Variants in UST observed in about 807,000 individuals in gnomAD.
The protein encoded by UST is uronyl 2-sulfotransferase, also known as chondroitin sulfate 2-O-sulfotransferase.
UST carries 21 observed loss-of-function variants against 45.6 expected under a neutral mutation model. The ratio of observed to expected loss-of-function variants is 0.46; its 90% CI spans 0.33 to 0.66. The LOEUF (loss-of-function observed/expected upper bound fraction) is 0.66, where lower values mean the gene tolerates loss of function less well. Among genes scored for constraint, UST ranks in the 30% least tolerant of loss-of-function variants. The pLI, the probability that UST is intolerant of heterozygous loss-of-function variation, is 0.02. For synonymous variants in UST, 215 were observed against 200.6 expected, an observed-to-expected ratio of 1.07 and a Z score of -0.61; for missense variants, 463 against 512.4, an observed-to-expected ratio of 0.90 and a Z score of 0.93.
intron 2 of UST, among the ~76,000 whole-genome samples, chr6:148,931,578 C>T (rs1779922645): frequency 6.6e-6 from 1 of 152,218 alleles, no homozygotes; most frequent in Non-Finnish European, 1.5e-5. Context: ...TGAGAACCCT[C>T]CTACTTTCAT....
chr6:148,762,441 T>C (rs1045084987), intron 1 of UST, among the ~76,000 whole-genome samples: 2 of 152,150 alleles, frequency 1.3e-5, no homozygotes, highest in Non-Finnish European at 2.9e-5. Context: ...AACTCTGTCA[T>C]AGAGTGTATG....
intron 7 of UST, among the ~76,000 whole-genome samples, chr6:149,028,397 C>T (rs1430391384): frequency 6.6e-6 from 1 of 152,176 alleles, no homozygotes; most frequent in Non-Finnish European, 1.5e-5. Context: ...GCCCACCAAG[C>T]CCATCACAGG....
chr6:148,913,912 T>C (rs1323224423), intron 2 of UST, among the ~76,000 whole-genome samples: 2 of 152,206 alleles, frequency 1.3e-5, no homozygotes, highest in African/African-American at 2.4e-5. Flanking sequence ...TACCAACTTA[T>C]GGTGCTAGGG....
At chr6:148,910,134 C>CTTTTTTT (rs148286486) in intron 2 of UST, among the ~76,000 whole-genome samples, 3 of 103,442 alleles carry the variant, frequency 2.9e-5, no homozygotes, top group Non-Finnish European at 5.6e-5. Context: ...GCCTGGGATG[C>CTTTTTTT]TTTTTTTTTT....
chr6:148,965,392 C>G (rs1460123698), intron 5 of UST, among the ~76,000 whole-genome samples: 4 of 152,146 alleles, frequency 2.6e-5, no homozygotes, highest in Non-Finnish European at 4.4e-5. Context: ...TTGGGGTTCA[C>G]CCGGACCCAT....
At chr6:149,036,615 G>C in intron 7 of UST, among the ~76,000 whole-genome samples, 1 of 152,158 alleles carries the variant, frequency 6.6e-6, no homozygotes, top group East Asian at 1.9e-4. Context: ...TGTGTTTACC[G>C]TTCTTAGCTA....
At chr6:148,767,960 G>T (rs1199128444) in intron 1 of UST, among the ~76,000 whole-genome samples, 1 of 152,024 alleles carries the variant, frequency 6.6e-6, no homozygotes, top group African/African-American at 2.4e-5. Context: ...TGTGGTTGTA[G>T]GTAAGGTTGT....
chr6:148,955,304 G>GC (rs1368847230), intron 4 of UST, among the ~76,000 whole-genome samples: 1 of 152,234 alleles, frequency 6.6e-6, no homozygotes, highest in African/African-American at 2.4e-5. Flanking sequence ...GAAGATTTCA[G>GC]CCATCCAAGG....
rs780349219 is a variant in UST, at chr6:148,964,529, G to A, written c.647G>A (p.Arg216His). The change falls in exon 5 of 8, where the codon CGC (arginine) becomes CAC (histidine). Residue 216 changes from arginine to histidine, a missense_variant. Physicochemically the swap from Arg to His is conservative, Grantham distance 29 (BLOSUM62 0). Around this residue, in one of 2 missense-constraint regions of UST, gnomAD observed 287 missense variants for 374.2 expected, o/e 0.77. Transcript: ENST00000367463. ...DWRGEQNHMI[R>H]TPSMRQEERY... ...AGAGGGGAACAAAATCACATGATCC[G>A]CACCCCCAGCATGAGGCAGGAGGAG... 2 of 1,613,958 alleles carry A rather than the reference G, an allele frequency of 1.2e-6. No individual in the cohort carries two copies. Among genetic ancestry groups the A allele is most frequent in the Non-Finnish European group, 1.7e-6 (2 of 1,180,006 alleles).
intron 1 of UST, among the ~76,000 whole-genome samples, chr6:148,864,491 C>T (rs1435281516): frequency 3.3e-5 from 5 of 152,174 alleles, no homozygotes; most frequent in Non-Finnish European, 5.9e-5. Context: ...GCTCATGCTC[C>T]ATGGGCTGCA....
intron 7 of UST, among the ~76,000 whole-genome samples, chr6:149,038,110 T>A (rs917985025): frequency 6.6e-6 from 1 of 152,000 alleles, no homozygotes; most frequent in Non-Finnish European, 1.5e-5. Flanking sequence ...AAAGTGGCAA[T>A]TTGCATTTGG....
intron 7 of UST, among the ~76,000 whole-genome samples, chr6:149,038,233 TC>T (rs1324183320): frequency 6.6e-6 from 1 of 151,424 alleles, no homozygotes; most frequent in Non-Finnish European, 1.5e-5. Flanking sequence ...TGAGACCCCT[TC>T]CCCTGCAAAA....
chr6:148,980,044 C>T (rs1246282644), intron 5 of UST, among the ~76,000 whole-genome samples: 1 of 152,176 alleles, frequency 6.6e-6, no homozygotes, highest in Non-Finnish European at 1.5e-5. Context: ...ATATTTCTTT[C>T]CTTCCCTAAG....
intron 1 of UST, among the ~76,000 whole-genome samples, chr6:148,828,629 C>A (rs746374872): frequency 1.9e-4 from 29 of 152,100 alleles, no homozygotes; most frequent in Non-Finnish European, 3.1e-4. Flanking sequence ...CTTTTCTCAC[C>A]TGTAAAATGG....
At chr6:149,029,471 ATATAAT>A (rs2115024533) in intron 7 of UST, among the ~76,000 whole-genome samples, 1 of 145,328 alleles carries the variant, frequency 6.9e-6, no homozygotes, top group East Asian at 2.0e-4. Context: ...TATATTATAT[ATATAAT>A]GTATATATAA....
chr6:148,851,245 T>C (rs1266621552), intron 1 of UST, among the ~76,000 whole-genome samples: 2 of 152,188 alleles, frequency 1.3e-5, no homozygotes, highest in African/African-American at 4.8e-5. Flanking sequence ...GCCAGCTGGA[T>C]TTACTTTAAG....
intron 7 of UST, among the ~76,000 whole-genome samples, chr6:149,034,699 A>G (rs1042079546): frequency 3.3e-5 from 5 of 152,102 alleles, no homozygotes; most frequent in African/African-American, 9.7e-5. Context: ...AACTCATTTT[A>G]CTTCAAGATG....
At chr6:148,847,507 TCACTCCCTGTCAC>T (rs1778015034) in intron 1 of UST, among the ~76,000 whole-genome samples, 1 of 152,208 alleles carries the variant, frequency 6.6e-6, no homozygotes, top group Non-Finnish European at 1.5e-5. Flanking sequence ...TGAAACCCAG[TCACTCCCTGTCAC>T]CTTTGGCCCA....
intron 1 of UST, among the ~76,000 whole-genome samples, chr6:148,882,086 G>A (rs1029683801): frequency 5.3e-5 from 8 of 152,142 alleles, no homozygotes; most frequent in African/African-American, 1.2e-4. Flanking sequence ...ATGGGAGCAC[G>A]GTGATCTGCT....
Sources: gnomAD v4.1 joint callset for allele counts (sites outside exome capture counted in the v4.1 genomes callset) on GRCh38, gnomAD v4.1.1 for gene constraint, gnomAD v4.1.1 regional missense constraint, MANE v1.5 for transcripts, NCBI Gene and HGNC (gene_info 2026-07-23, HGNC 2026-07-21) for gene names.